Variants in RSRC1 observed in about 807,000 individuals in gnomAD.
RSRC1 encodes the protein serine/Arginine-related protein 53.
A neutral mutation model predicts 49.1 loss-of-function variants in RSRC1; 39 were observed. The observed-to-expected ratio is 0.79, with a 90% confidence interval of 0.61 to 1.04. RSRC1 has a LOEUF of 1.04. Among genes scored for constraint, RSRC1 ranks in the 50% least tolerant of loss-of-function variants. The probability of loss-of-function intolerance (pLI) is 0.00; values close to 1 mark genes in which losing one functional copy is unlikely to be tolerated. For missense variants in RSRC1, 388 were observed against 402.4 expected, an observed-to-expected ratio of 0.96 and a Z score of 0.31; for synonymous variants, 143 against 130.8, an observed-to-expected ratio of 1.09 and a Z score of -0.63.
intron 6 of RSRC1, among the ~76,000 whole-genome samples, chr3:158,381,960 A>C (rs775038247): frequency 6.6e-6 from 1 of 152,236 alleles, no homozygotes; most frequent in Non-Finnish European, 1.5e-5. Context: ...ATAGTAAATT[A>C]AACTTAGCTA....
At chr3:158,521,240 G>A (rs1289555422) in intron 7 of RSRC1, among the ~76,000 whole-genome samples, 1 of 152,138 alleles carries the variant, frequency 6.6e-6, no homozygotes, top group Non-Finnish European at 1.5e-5. Flanking sequence ...ATGCCCTAGA[G>A]CCACTGTCAT....
At chr3:158,513,409 G>C (rs1740299498) in intron 7 of RSRC1, among the ~76,000 whole-genome samples, 1 of 152,098 alleles carries the variant, frequency 6.6e-6, no homozygotes, top group Non-Finnish European at 1.5e-5. Context: ...TTTATATGCT[G>C]GATTATATTT....
intron 7 of RSRC1, among the ~76,000 whole-genome samples, chr3:158,500,051 T>G (rs1008070346): frequency 2.6e-5 from 4 of 152,212 alleles, no homozygotes; most frequent in Admixed American, 6.5e-5. Context: ...GTATGCCGAT[T>G]TTGCTGAGAG....
At chr3:158,381,219 G>A (rs992492600) in intron 6 of RSRC1, among the ~76,000 whole-genome samples, 1 of 152,164 alleles carries the variant, frequency 6.6e-6, no homozygotes, top group Non-Finnish European at 1.5e-5. Context: ...AAGGGAAACA[G>A]ATGTAAAGAT....
chr3:158,523,410 C>A, intron 7 of RSRC1, among the ~76,000 whole-genome samples: 1 of 151,936 alleles, frequency 6.6e-6, no homozygotes, highest in South Asian at 2.1e-4. Flanking sequence ...TTACAGTAAT[C>A]AAGACTATAT....
intron 7 of RSRC1, among the ~76,000 whole-genome samples, chr3:158,528,347 G>A (rs1205812163): frequency 1.3e-5 from 2 of 151,986 alleles, no homozygotes; most frequent in Non-Finnish European, 2.9e-5. Flanking sequence ...ATGATGGCTA[G>A]TGGCTTGATT....
At chr3:158,331,298 G>T (rs1729531836) in intron 5 of RSRC1, among the ~76,000 whole-genome samples, 1 of 152,186 alleles carries the variant, frequency 6.6e-6, no homozygotes, top group South Asian at 2.1e-4. Flanking sequence ...GAAATTTGAG[G>T]AGAGAGCTTG....
At chr3:158,156,805 T>C (rs1717904403) in intron 3 of RSRC1, among the ~76,000 whole-genome samples, 1 of 152,160 alleles carries the variant, frequency 6.6e-6, no homozygotes, top group African/African-American at 2.4e-5. Context: ...TGAAAATAAT[T>C]AGAGTAGTAA....
chr3:158,538,719 T>G (rs1679618475), intron 8 of RSRC1, among the ~76,000 whole-genome samples: 1 of 151,944 alleles, frequency 6.6e-6, no homozygotes, highest in Non-Finnish European at 1.5e-5. Context: ...CATTGAAAGG[T>G]AGGAAGTGGT....
intron 5 of RSRC1, among the ~76,000 whole-genome samples, chr3:158,299,364 C>T (rs1724700): frequency 0.48 from 72,248 of 151,554 alleles, 17,767 homozygotes; most frequent in East Asian, 0.64. Context: ...GATGGAGCCT[C>T]GCTCTTTCTC....
chr3:158,253,222 C>T (rs543546156), intron 4 of RSRC1, among the ~76,000 whole-genome samples: 173 of 152,044 alleles, frequency 1.1e-3, no homozygotes, highest in African/African-American at 4.0e-3. Context: ...AAACTTTCCT[C>T]TTCATACTAC....
At chr3:158,510,346 T>C (rs1186136442) in intron 7 of RSRC1, among the ~76,000 whole-genome samples, 1 of 152,226 alleles carries the variant, frequency 6.6e-6, no homozygotes, top group Non-Finnish European at 1.5e-5. Flanking sequence ...ACAGATATCT[T>C]CTCTTAGTAT....
At chr3:158,419,564 A>G (rs943269542) in intron 6 of RSRC1, among the ~76,000 whole-genome samples, 5 of 151,926 alleles carry the variant, frequency 3.3e-5, no homozygotes, top group African/African-American at 9.7e-5. Flanking sequence ...TGTAGAAGTC[A>G]TTTTCAAACT....
chr3:158,367,742 G>A (rs992450453), intron 6 of RSRC1, among the ~76,000 whole-genome samples: 4 of 152,016 alleles, frequency 2.6e-5, no homozygotes, highest in African/African-American at 9.7e-5. Flanking sequence ...TAGTTTAGTT[G>A]ACTTGGACAT....
intron 3 of RSRC1, among the ~76,000 whole-genome samples, chr3:158,183,437 T>C (rs562353050): frequency 6.6e-6 from 1 of 152,172 alleles, no homozygotes; most frequent in East Asian, 1.9e-4. Context: ...ATTGATCTTC[T>C]AGTGAATTTA....
chr3:158,347,492 A>T (rs974572676), intron 5 of RSRC1, among the ~76,000 whole-genome samples: 1 of 152,184 alleles, frequency 6.6e-6, no homozygotes, highest in African/African-American at 2.4e-5. Context: ...ACATATGATA[A>T]TATGGAATTG....
intron 5 of RSRC1, among the ~76,000 whole-genome samples, chr3:158,346,326 AAGG>A (rs1447492483): frequency 6.6e-6 from 1 of 152,166 alleles, no homozygotes; most frequent in Non-Finnish European, 1.5e-5. Context: ...AAAGAAAAAG[AAGG>A]AGAAGAAGAA....
At chr3:158,127,408 A>T (rs1366627451) in intron 3 of RSRC1, among the ~76,000 whole-genome samples, 1 of 151,416 alleles carries the variant, frequency 6.6e-6, no homozygotes, top group East Asian at 1.9e-4. Context: ...TTTTGAATTG[A>T]CCTTTCTTTG....
intron 4 of RSRC1, among the ~76,000 whole-genome samples, chr3:158,214,886 G>T (rs922345827): frequency 2.6e-5 from 4 of 151,724 alleles, no homozygotes; most frequent in African/African-American, 9.7e-5. Context: ...TTTTGCTGTT[G>T]TTAGGTCATC....
Sources: allele counts gnomAD v4.1 joint callset (sites outside exome capture counted in the v4.1 genomes callset), GRCh38; gene constraint gnomAD v4.1.1; transcripts MANE v1.5; gene names NCBI Gene and HGNC (gene_info 2026-07-23, HGNC 2026-07-21).